KATNBL1: variants seen among roughly 807,000 people sequenced by gnomAD.
The protein encoded by KATNBL1 is katanin regulatory subunit B1 like 1.
KATNBL1 carries 28 observed loss-of-function variants against 44.7 expected under a neutral mutation model. The ratio of observed to expected loss-of-function variants is 0.63; its 90% CI spans 0.46 to 0.86. The LOEUF (loss-of-function observed/expected upper bound fraction) is 0.86, where lower values mean the gene tolerates loss of function less well. Ranked by LOEUF, KATNBL1 falls within the 40% of genes least tolerant of loss-of-function variation. The pLI is 0.00. For synonymous variants in KATNBL1, 78 were observed against 114.9 expected (o/e 0.68, Z 2.06); for missense variants, 272 against 350.7 (o/e 0.78, Z 1.79).
chr15:34,167,344 A>G (rs1048547154), intron 1 of KATNBL1, among the ~76,000 whole-genome samples: 1 of 152,258 alleles, frequency 6.6e-6, no homozygotes, highest in African/African-American at 2.4e-5. Flanking sequence ...AAGAAAGGAT[A>G]TAAGTGAATG....
At chr15:34,151,209 T>C (rs781014550) in intron 4 of KATNBL1, among the ~76,000 whole-genome samples, 8 of 152,104 alleles carry the variant, frequency 5.3e-5, no homozygotes, top group Non-Finnish European at 1.2e-4. Context: ...GTCACCAGCA[T>C]TGTATAAGTG....
At chr15:34,179,183 T>C (rs1046880465) in intron 1 of KATNBL1, among the ~76,000 whole-genome samples, 8 of 152,214 alleles carry the variant, frequency 5.3e-5, no homozygotes, top group African/African-American at 1.9e-4. Flanking sequence ...TTATTTTGTT[T>C]AGTTCTAGAG....
chr15:34,160,915 G>A (rs1888781775), intron 2 of KATNBL1, among the ~76,000 whole-genome samples: 1 of 152,016 alleles, frequency 6.6e-6, no homozygotes, highest in East Asian at 1.9e-4. Flanking sequence ...TCCTTTCCTA[G>A]AGGCTCAACA....
intron 1 of KATNBL1, among the ~76,000 whole-genome samples, chr15:34,198,020 G>A (rs1285971559): frequency 6.6e-6 from 1 of 152,168 alleles, no homozygotes; most frequent in Non-Finnish European, 1.5e-5. Flanking sequence ...CACACAAAGT[G>A]CTGGGATTAT....
At chr15:34,152,323 C>T (rs567861128) in intron 4 of KATNBL1, among the ~76,000 whole-genome samples, 3 of 152,186 alleles carry the variant, frequency 2.0e-5, no homozygotes, top group African/African-American at 7.2e-5. Flanking sequence ...GTCTCAGCCT[C>T]CTTCTGAGTA....
intron 2 of KATNBL1, among the ~76,000 whole-genome samples, chr15:34,156,525 G>A (rs563903890): frequency 1.1e-4 from 16 of 152,302 alleles, no homozygotes; most frequent in African/African-American, 2.6e-4. Flanking sequence ...TTGATATCCC[G>A]TCTCAATTGC....
chr15:34,190,252 C>T (rs2140983832), intron 1 of KATNBL1, among the ~76,000 whole-genome samples: 1 of 152,142 alleles, frequency 6.6e-6, no homozygotes, highest in South Asian at 2.1e-4. Flanking sequence ...CCTGGAAGTA[C>T]ATTCTTATTT....
intron 1 of KATNBL1, among the ~76,000 whole-genome samples, chr15:34,175,838 C>A (rs1889313750): frequency 6.6e-6 from 1 of 151,882 alleles, no homozygotes; most frequent in Non-Finnish European, 1.5e-5. Context: ...GCACTCCAGC[C>A]TGGGTGAGAA....
At chr15:34,155,786 G>T (rs1888619829) in intron 2 of KATNBL1, among the ~76,000 whole-genome samples, 1 of 152,128 alleles carries the variant, frequency 6.6e-6, no homozygotes, top group Non-Finnish European at 1.5e-5. Flanking sequence ...AACCGCTGTT[G>T]GTTGTAATAG....
intron 3 of KATNBL1, among the ~76,000 whole-genome samples, 178 bp downstream of exon 3, chr15:34,154,466 T>C (rs779468084): frequency 1.3e-5 from 2 of 152,216 alleles, no homozygotes; most frequent in Non-Finnish European, 2.9e-5. Flanking sequence ...AGAGTAGGAC[T>C]GTTGTAAGGA....
intron 1 of KATNBL1, among the ~76,000 whole-genome samples, chr15:34,174,516 TTTAG>T (rs1889263682): frequency 6.6e-6 from 1 of 152,158 alleles, no homozygotes; most frequent in Non-Finnish European, 1.5e-5. Context: ...CTAAAAGTCA[TTTAG>T]TTAATTAAAA....
At chr15:34,189,310 C>A (rs1321906936) in intron 1 of KATNBL1, among the ~76,000 whole-genome samples, 1 of 152,226 alleles carries the variant, frequency 6.6e-6, no homozygotes, top group African/African-American at 2.4e-5. Context: ...AGGCGTGAGC[C>A]ACTGCACCTG....
intron 9 of KATNBL1, among the ~76,000 whole-genome samples, chr15:34,144,718 G>T (rs184908515): frequency 2.0e-5 from 3 of 151,776 alleles, no homozygotes; most frequent in African/African-American, 4.8e-5. Context: ...TTACAGGCAC[G>T]TGCCATCACA....
chr15:34,181,005 T>A (rs865891151), intron 1 of KATNBL1, among the ~76,000 whole-genome samples: 6 of 152,268 alleles, frequency 3.9e-5, no homozygotes, highest in Middle Eastern at 3.4e-3. Context: ...CCCCATAACT[T>A]CAAGCCTAAA....
chr15:34,168,514 A>G (rs1443519782), intron 1 of KATNBL1, among the ~76,000 whole-genome samples: 2 of 152,266 alleles, frequency 1.3e-5, no homozygotes, highest in East Asian at 3.9e-4. Flanking sequence ...TCCACTGTCA[A>G]TATTAGACAG....
chr15:34,155,637 C>T lies in KATNBL1; in HGVS notation c.118-953G>A, dbSNP rs1888615913. Among the ~76,000 whole-genome samples, 2 of 152,314 alleles carry T rather than the reference C, an allele frequency of 1.3e-5. 1 individual carries two copies. Among genetic ancestry groups the T allele is most frequent in the East Asian group, 3.9e-4 (2 of 5,180 alleles). ...TATTGTTTGGGATGAAGGTACAACA[C>T]TGAGTTTTAATCATGATGCAAACTT... On this transcript the variant is annotated intron_variant, in intron 2 of 9. Coordinates refer to ENST00000256544, the MANE Select transcript of KATNBL1 (RefSeq NM_024713.3).
At chr15:34,173,409 C>A (rs960312915) in intron 1 of KATNBL1, among the ~76,000 whole-genome samples, 2 of 152,050 alleles carry the variant, frequency 1.3e-5, no homozygotes, top group African/African-American at 4.8e-5. Context: ...ATGACAGATA[C>A]AGAGTAAAGC....
intron 2 of KATNBL1, among the ~76,000 whole-genome samples, chr15:34,156,213 G>A (rs1025475734): frequency 3.3e-5 from 5 of 152,198 alleles, no homozygotes; most frequent in African/African-American, 4.8e-5. Flanking sequence ...CCTCTTTGTC[G>A]TGAGAGACAC....
chr15:34,188,420 A>G (rs1889784144), intron 1 of KATNBL1, among the ~76,000 whole-genome samples: 1 of 151,634 alleles, frequency 6.6e-6, no homozygotes, highest in Admixed American at 6.6e-5. Context: ...GCCAGGCATA[A>G]TGGCACATGC....
Sources: allele counts gnomAD v4.1 joint callset (sites outside exome capture counted in the v4.1 genomes callset), GRCh38; gene constraint gnomAD v4.1.1; transcripts MANE v1.5; gene names NCBI Gene and HGNC (gene_info 2026-07-23, HGNC 2026-07-21).